TENT5D: variants seen among roughly 807,000 people sequenced by gnomAD.
The protein encoded by TENT5D is terminal nucleotidyltransferase 5D.
For missense variants in TENT5D, 191 were observed against 287.0 expected (o/e 0.67, Z 2.42); for synonymous variants, 103 against 100.6 (o/e 1.02, Z -0.15).
intron 3 of TENT5D, among the ~76,000 whole-genome samples, chrX:80,400,880 G>T (rs1341480826): frequency 1.8e-5 from 2 of 111,500 alleles, no homozygotes; most frequent in Non-Finnish European, 3.8e-5. Flanking sequence ...GCTCACGATT[G>T]CCTTGGCTGT....
chrX:80,358,155 A>G (rs1347037246), intron 3 of TENT5D, among the ~76,000 whole-genome samples: 2 of 111,764 alleles, frequency 1.8e-5, no homozygotes, highest in African/African-American at 6.5e-5. Context: ...ACCTTATACA[A>G]AAATTAATTC....
intron 3 of TENT5D, among the ~76,000 whole-genome samples, chrX:80,379,212 G>T (rs1930801042): frequency 9.5e-6 from 1 of 105,675 alleles, no homozygotes; most frequent in Non-Finnish European, 1.9e-5. Context: ...TAATCATGTG[G>T]TTTTTGTCTT....
At chrX:80,408,842 A>G (rs1248210643) in intron 3 of TENT5D, among the ~76,000 whole-genome samples, 2 of 110,524 alleles carry the variant, frequency 1.8e-5, no homozygotes, top group African/African-American at 6.6e-5. Context: ...TGATGCAAAA[A>G]TCCTCAATAA....
At chrX:80,385,126 C>G (rs1421544576) in intron 3 of TENT5D, among the ~76,000 whole-genome samples, 1 of 111,258 alleles carries the variant, frequency 9.0e-6, no homozygotes. Context: ...CAATCCTAAG[C>G]CAAAAGAACA....
intron 3 of TENT5D, among the ~76,000 whole-genome samples, chrX:80,397,684 C>T (rs1243813875): frequency 1.8e-5 from 2 of 112,429 alleles, no homozygotes; most frequent in African/African-American, 3.2e-5. Context: ...CCCGGCACCT[C>T]GGGAGGCCGA....
At chrX:80,357,235 TC>T (rs774876260) in intron 3 of TENT5D, among the ~76,000 whole-genome samples, 4 of 111,825 alleles carry the variant, frequency 3.6e-5, no homozygotes, top group Non-Finnish European at 7.5e-5. Context: ...TGTGCATGTG[TC>T]TTTAGAGCAG....
rs62606105 is a variant in TENT5D, at chrX:80,365,572, G to A, written c.-142+23008G>A. Among the ~76,000 whole-genome samples, 882 of 110,850 alleles carry A rather than the reference G, an allele frequency of 8.0e-3. 5 individuals are homozygous for A. Among genetic ancestry groups the A allele is most frequent in the Non-Finnish European group, 0.013 (692 of 52,979 alleles). ...AGAGTAGTTTTAGGCCAAGCTCGGT[G>A]GCTTATGCCTGTAATCCCAGCACTT... On this transcript the variant is annotated intron_variant, in intron 3 of 4. Coordinates refer to the TENT5D transcript ENST00000538312.
intron 3 of TENT5D, among the ~76,000 whole-genome samples, chrX:80,400,329 G>A (rs934955856): frequency 1.1e-4 from 12 of 111,395 alleles, no homozygotes; most frequent in African/African-American, 3.9e-4. Flanking sequence ...GAGGACAGAT[G>A]TTCACTAAGG....
At chrX:80,374,157 C>T (rs1412260370) in intron 3 of TENT5D, among the ~76,000 whole-genome samples, 1 of 111,468 alleles carries the variant, frequency 9.0e-6, no homozygotes, top group Non-Finnish European at 1.9e-5. Context: ...AACCATGTAC[C>T]TGCAAAGGAC....
chrX:80,393,911 AATATTCCATTATTTAT>A (rs1931187752), intron 3 of TENT5D, among the ~76,000 whole-genome samples: 1 of 112,127 alleles, frequency 8.9e-6, no homozygotes, highest in Admixed American at 9.5e-5. Flanking sequence ...AAGGCTGAAT[AATATTCCATTATTTAT>A]ATATACCATA....
At chrX:80,416,743 AG>A (rs1377372576), upstream of TENT5D, among the ~76,000 whole-genome samples, 2 of 110,527 alleles carry the variant, frequency 1.8e-5, no homozygotes, top group Non-Finnish European at 3.8e-5. Flanking sequence ...TCAATTTTAG[AG>A]TATGTGCCAT....
At chrX:80,336,732 G>A (rs1321415384) in intron 2 of TENT5D, among the ~76,000 whole-genome samples, 1 of 111,493 alleles carries the variant, frequency 9.0e-6, no homozygotes, top group Non-Finnish European at 1.9e-5. Context: ...AAAGTTCCTA[G>A]ACTTATATGT....
At chrX:80,436,395 T>G (rs1366723472) in intron 1 of TENT5D, among the ~76,000 whole-genome samples, 1 of 111,304 alleles carries the variant, frequency 9.0e-6, no homozygotes, top group Non-Finnish European at 1.9e-5. Context: ...TCTCATTCTT[T>G]TTTATTATTA....
At chrX:80,351,483 G>C (rs1930177632) in intron 3 of TENT5D, among the ~76,000 whole-genome samples, 1 of 108,114 alleles carries the variant, frequency 9.2e-6, no homozygotes, top group African/African-American at 3.4e-5. Context: ...CTTGTGCTGT[G>C]TTTTTCAGCT....
intron 2 of TENT5D, among the ~76,000 whole-genome samples, chrX:80,439,578 A>G (rs1266237053): frequency 9.0e-6 from 1 of 111,148 alleles, no homozygotes; most frequent in Non-Finnish European, 1.9e-5. Context: ...ATAACACTGC[A>G]TTGATATTGT....
At chrX:80,402,175 A>C (rs1050406240) in intron 3 of TENT5D, among the ~76,000 whole-genome samples, 1 of 111,145 alleles carries the variant, frequency 9.0e-6, no homozygotes, top group Admixed American at 9.6e-5. Context: ...TAGGTTATCT[A>C]ATTTTTGGCA....
In TENT5D at chrX:80,403,138, T is replaced by C. The variant is rs188296333; in HGVS notation, c.-141-35472T>C. ...CTGGTAGAATTAAAGGTAATATGTT[T>C]CGCTCATATTTGTATTTTTTACTGT... is the stretch of plus-strand genomic sequence containing the variant. On this transcript the variant is annotated intron_variant, in intron 3 of 4. Transcript: ENST00000538312. Among the ~76,000 whole-genome samples, 582 of 112,281 alleles carry C rather than the reference T, an allele frequency of 5.2e-3. 3 individuals carry two copies. Among genetic ancestry groups the C allele is most frequent in the Non-Finnish European group, 9.4e-3 (501 of 53,261 alleles).
chrX:80,432,308 T>A (rs1417431858), intron 1 of TENT5D, among the ~76,000 whole-genome samples: 1 of 111,459 alleles, frequency 9.0e-6, no homozygotes, highest in African/African-American at 3.3e-5. Context: ...ATACCTTCAG[T>A]TGCCCCAGGA....
At chrX:80,386,801 G>A (rs150422164) in intron 3 of TENT5D, among the ~76,000 whole-genome samples, 1,463 of 110,963 alleles carry the variant, frequency 0.013, 27 homozygotes, top group African/African-American at 0.045. Context: ...AATCAACAGG[G>A]CACTACATGA....
Sources: gnomAD v4.1 joint callset for allele counts (sites outside exome capture counted in the v4.1 genomes callset) on GRCh38, gnomAD v4.1.1 for gene constraint, MANE v1.5 for transcripts, NCBI Gene and HGNC (gene_info 2026-07-23, HGNC 2026-07-21) for gene names.